Variants in PLCL2 observed in about 807,000 individuals in gnomAD.
PLCL2 encodes phospholipase C like 2, also known as inactive phospholipase C-like protein 2.
PLCL2 carries 4 observed loss-of-function variants against 79.6 expected under a neutral mutation model. That is an observed-to-expected ratio of 0.05 (90% CI 0.02 to 0.11). The LOEUF (loss-of-function observed/expected upper bound fraction) is 0.11. PLCL2 is among the 10% of genes least tolerant of loss of function. PLCL2 has a pLI of 1.00. For missense variants in PLCL2, 895 were observed against 1,291.0 expected (o/e 0.69, Z 4.70); for synonymous variants, 484 against 457.7 (o/e 1.06, Z -0.73).
intron 1 of PLCL2, among the ~76,000 whole-genome samples, chr3:16,903,107 C>T (rs1037639215): frequency 3.3e-5 from 5 of 151,704 alleles, no homozygotes; most frequent in African/African-American, 7.3e-5. Flanking sequence ...CAGAGAGGGA[C>T]GATTTTTAAG....
At chr3:16,901,938 T>TTC (rs1034763500) in intron 1 of PLCL2, among the ~76,000 whole-genome samples, 16 of 152,194 alleles carry the variant, frequency 1.1e-4, no homozygotes, top group African/African-American at 3.4e-4. Context: ...ATAGGTCTCC[T>TTC]TCTCTCATTC....
intron 1 of PLCL2, among the ~76,000 whole-genome samples, chr3:16,957,884 G>C (rs1005855061): frequency 1.3e-5 from 2 of 152,120 alleles, no homozygotes; most frequent in Non-Finnish European, 2.9e-5. Context: ...TTGCTTGGTA[G>C]GTCTTCCTCC....
At chr3:16,988,972 T>C (rs911376886) in intron 1 of PLCL2, among the ~76,000 whole-genome samples, 2 of 152,044 alleles carry the variant, frequency 1.3e-5, no homozygotes, top group African/African-American at 4.8e-5. Flanking sequence ...TTTGGTCAAT[T>C]ATTATAGAGA....
chr3:16,942,120 CTCTGAG>C (rs2063553292), intron 1 of PLCL2, among the ~76,000 whole-genome samples: 1 of 152,180 alleles, frequency 6.6e-6, no homozygotes, highest in South Asian at 2.1e-4. Flanking sequence ...AAAGTTACTT[CTCTGAG>C]TCTAAGTGAG....
chr3:16,921,451 A>C (rs1244251893), intron 1 of PLCL2, among the ~76,000 whole-genome samples: 1 of 152,220 alleles, frequency 6.6e-6, no homozygotes, highest in African/African-American at 2.4e-5. Context: ...AAGCTGATAG[A>C]GTATCTAGGA....
intron 1 of PLCL2, among the ~76,000 whole-genome samples, chr3:16,934,938 CA>C (rs1697504513): frequency 6.6e-6 from 1 of 152,160 alleles, no homozygotes; most frequent in African/African-American, 2.4e-5. Context: ...TTCTTTTGGA[CA>C]AATCCTGGAA....
chr3:17,063,588 A>G (rs2064977835), intron 4 of PLCL2, among the ~76,000 whole-genome samples: 2 of 151,758 alleles, frequency 1.3e-5, no homozygotes, highest in African/African-American at 4.8e-5. Context: ...TGATTCTGTT[A>G]CTCGTTGAGG....
At chr3:16,989,853 GT>G (rs1475344980) in intron 1 of PLCL2, among the ~76,000 whole-genome samples, 1 of 151,358 alleles carries the variant, frequency 6.6e-6, no homozygotes, top group Non-Finnish European at 1.5e-5. Flanking sequence ...AGATAGCGTA[GT>G]TTTTTTTTCA....
intron 4 of PLCL2, among the ~76,000 whole-genome samples, chr3:17,048,787 T>C (rs907166995): frequency 6.6e-6 from 1 of 152,280 alleles, no homozygotes; most frequent in Middle Eastern, 3.4e-3. Flanking sequence ...TAAAAAGTGA[T>C]CTCTCACAGT....
chr3:17,089,958 A>G lies in PLCL2; in HGVS notation c.*46A>G, dbSNP rs931195266. 4 of 1,559,966 alleles carry G rather than the reference A, an allele frequency of 2.6e-6. No homozygotes were observed. The highest frequency in any genetic ancestry group is 3.5e-6 in the Non-Finnish European group (4 of 1,153,562). On this transcript the variant is annotated 3_prime_UTR_variant, in exon 6 of 6. Coordinates refer to ENST00000615277, the MANE Select transcript of PLCL2 (RefSeq NM_001144382.2). ...TATGGAGTTTATAACTCTAGGACCA[A>G]TTGTAGTCAGATGGGACATTTGCTT...
At chr3:16,977,123 C>T (rs185781050) in intron 1 of PLCL2, among the ~76,000 whole-genome samples, 83 of 152,210 alleles carry the variant, frequency 5.5e-4, no homozygotes, top group Non-Finnish European at 9.4e-4. Context: ...CGCACACACA[C>T]ACACACACAA....
chr3:17,078,656 AAATC>A (rs900193553), intron 5 of PLCL2, among the ~76,000 whole-genome samples: 1 of 152,176 alleles, frequency 6.6e-6, no homozygotes, highest in Non-Finnish European at 1.5e-5. Flanking sequence ...GCCAAAACAT[AAATC>A]AATAAACCAG....
intron 5 of PLCL2, among the ~76,000 whole-genome samples, chr3:17,079,427 G>A (rs1049010297): frequency 4.6e-5 from 7 of 152,230 alleles, no homozygotes; most frequent in South Asian, 4.1e-4. Context: ...GTGGAATTTA[G>A]CCCTTCCCAT....
chr3:16,932,267 T>C (rs950264818), intron 1 of PLCL2, among the ~76,000 whole-genome samples: 3 of 152,246 alleles, frequency 2.0e-5, no homozygotes, highest in South Asian at 4.1e-4. Flanking sequence ...GCTGTTAGCA[T>C]ACGCATTGTC....
intron 4 of PLCL2, among the ~76,000 whole-genome samples, chr3:17,064,377 C>T (rs927660123): frequency 5.3e-5 from 8 of 152,034 alleles, no homozygotes; most frequent in African/African-American, 1.9e-4. Context: ...AATGTTCTGC[C>T]CACAGAATAA....
intron 1 of PLCL2, among the ~76,000 whole-genome samples, chr3:16,979,620 T>C (rs372991658): frequency 3.7e-5 from 5 of 135,948 alleles, no homozygotes; most frequent in South Asian, 2.6e-4. Flanking sequence ...CCTGAGTGGA[T>C]ACAGCACATG....
intron 1 of PLCL2, among the ~76,000 whole-genome samples, chr3:16,970,139 C>T (rs1192317613): frequency 6.6e-6 from 1 of 151,386 alleles, no homozygotes; most frequent in Non-Finnish European, 1.5e-5. Context: ...TATACATGTG[C>T]CATGCTGGTA....
intron 1 of PLCL2, among the ~76,000 whole-genome samples, chr3:16,972,160 G>A (rs1034531703): frequency 6.6e-6 from 1 of 152,086 alleles, no homozygotes; most frequent in African/African-American, 2.4e-5. Context: ...ATTCAACATA[G>A]TGTTGGAAGT....
intron 1 of PLCL2, among the ~76,000 whole-genome samples, chr3:16,892,106 A>C (rs143345065): frequency 7.0e-4 from 107 of 152,384 alleles, no homozygotes; most frequent in Non-Finnish European, 1.3e-3. Context: ...ATAAGGGGAC[A>C]AGAATGAGTC....
Sources: allele counts gnomAD v4.1 joint callset (sites outside exome capture counted in the v4.1 genomes callset), GRCh38; gene constraint gnomAD v4.1.1; transcripts MANE v1.5; gene names NCBI Gene and HGNC (gene_info 2026-07-23, HGNC 2026-07-21).